CADPS: variants seen among roughly 807,000 people sequenced by gnomAD.
CADPS encodes calcium-dependent secretion activator 1.
A neutral mutation model predicts 167.3 loss-of-function variants in CADPS; 57 were observed. That is an observed-to-expected ratio of 0.34 (90% CI 0.28 to 0.42). The LOEUF is 0.42. Among genes scored for constraint, CADPS ranks in the 20% least tolerant of loss-of-function variants. The probability of loss-of-function intolerance (pLI) is 1.00; values close to 1 mark genes in which losing one functional copy is unlikely to be tolerated. For missense variants in CADPS, 1,414 were observed against 1,738.1 expected, an observed-to-expected ratio of 0.81 and a Z score of 3.32; for synonymous variants, 676 against 635.3, an observed-to-expected ratio of 1.06 and a Z score of -0.96.
chr3:62,620,532 A>G (rs1015270879), intron 6 of CADPS, among the ~76,000 whole-genome samples: 4 of 152,170 alleles, frequency 2.6e-5, no homozygotes, highest in African/African-American at 9.6e-5. Flanking sequence ...TTTAATTGCC[A>G]CAACAACCTT....
At chr3:62,494,996 C>T (rs1027163165) in intron 18 of CADPS, among the ~76,000 whole-genome samples, 1 of 152,210 alleles carries the variant, frequency 6.6e-6, no homozygotes, top group African/African-American at 2.4e-5. Context: ...AGTTGCAAAC[C>T]AGAGGTCATA....
intron 4 of CADPS, among the ~76,000 whole-genome samples, chr3:62,656,827 G>T (rs2071727868): frequency 1.3e-5 from 2 of 152,158 alleles, no homozygotes; most frequent in Non-Finnish European, 1.5e-5. Context: ...TACCCAATTG[G>T]TCTTACTTCC....
At chr3:62,681,882 T>C (rs2077204944) in intron 3 of CADPS, among the ~76,000 whole-genome samples, 1 of 152,074 alleles carries the variant, frequency 6.6e-6, no homozygotes, top group Non-Finnish European at 1.5e-5. Context: ...TAAAGGGTGC[T>C]GGGTGTGGAT....
chr3:62,837,029 T>C (rs910113623), intron 1 of CADPS, among the ~76,000 whole-genome samples: 1 of 152,202 alleles, frequency 6.6e-6, no homozygotes, highest in Non-Finnish European at 1.5e-5. Flanking sequence ...GGAGAGGCTT[T>C]ACACCTTTTC....
At chr3:62,475,612 A>AAC (rs2061216413) in intron 23 of CADPS, among the ~76,000 whole-genome samples, 1 of 145,752 alleles carries the variant, frequency 6.9e-6, no homozygotes, top group Non-Finnish European at 1.5e-5. Context: ...AAAAAAAAAA[A>AAC]CACCTAAAAA....
Position 62,485,473 on chromosome 3 carries a change from T to C in CADPS, c.3027-3604A>G, listed in dbSNP as rs542911764. 4.5e-4 allele frequency among the ~76,000 whole-genome samples: 68 copies of C among 152,366 alleles called. 2 individuals are homozygous for C. Among genetic ancestry groups the C allele is most frequent in the Admixed American group, 4.4e-3 (67 of 15,302 alleles). On this transcript the variant is annotated intron_variant, in intron 21 of 29. Coordinates refer to ENST00000383710, the MANE Select transcript of CADPS (RefSeq NM_003716.4). ...AAATTGATTTCCCTCTATTCTTATGTCCTCATAACTTTTCCTTATGTTATT... is the reference window on the plus strand; with the variant it reads ...AAATTGATTTCCCTCTATTCTTATGCCCTCATAACTTTTCCTTATGTTATT...
chr3:62,448,223 C>A (rs952361130), intron 26 of CADPS, among the ~76,000 whole-genome samples: 3 of 152,172 alleles, frequency 2.0e-5, no homozygotes, highest in Admixed American at 6.5e-5. Flanking sequence ...TTCTTCTCAG[C>A]TAGAAATTGC....
intron 3 of CADPS, among the ~76,000 whole-genome samples, chr3:62,721,132 TTTAAAAAAA>T (rs1051032694): frequency 7.9e-5 from 9 of 113,858 alleles, no homozygotes; most frequent in Admixed American, 8.9e-5. Context: ...TTTTTTTTTT[TTTAAAAAAA>T]AAAAGAAGAA....
At chr3:62,645,922 G>A (rs2150073143) in intron 5 of CADPS, 79 bp from the exon 6 acceptor site, 2 of 1,543,594 alleles carry the variant, frequency 1.3e-6, no homozygotes, top group Non-Finnish European at 1.8e-6. Flanking sequence ...ACACAAATGA[G>A]AAGCTACAGA....
At chr3:62,409,097 A>C (rs1575620797) in intron 28 of CADPS, among the ~76,000 whole-genome samples, 1 of 152,234 alleles carries the variant, frequency 6.6e-6, no homozygotes, top group Non-Finnish European at 1.5e-5. Flanking sequence ...TGAACTCAAG[A>C]TGTTGATACT....
intron 6 of CADPS, among the ~76,000 whole-genome samples, chr3:62,597,346 C>T (rs2059076914): frequency 6.6e-6 from 1 of 151,882 alleles, no homozygotes; most frequent in Non-Finnish European, 1.5e-5. Flanking sequence ...GACCTTGTCT[C>T]TAAAAGAAAA....
intron 3 of CADPS, among the ~76,000 whole-genome samples, chr3:62,680,058 G>A (rs932886194): frequency 2.6e-5 from 4 of 151,918 alleles, no homozygotes; most frequent in Non-Finnish European, 5.9e-5. Context: ...GCCACTAAAG[G>A]TTACTTAGGA....
At chr3:62,594,099 AT>A (rs1309168222) in intron 6 of CADPS, among the ~76,000 whole-genome samples, 1 of 151,842 alleles carries the variant, frequency 6.6e-6, no homozygotes, top group Non-Finnish European at 1.5e-5. Flanking sequence ...ACCAACTTCC[AT>A]ACTTTAAAAT....
At chr3:62,687,289 C>A (rs2078222595) in intron 3 of CADPS, among the ~76,000 whole-genome samples, 2 of 152,024 alleles carry the variant, frequency 1.3e-5, no homozygotes, top group South Asian at 4.1e-4. Context: ...AAGAAAACTG[C>A]CTTCAACATC....
intron 3 of CADPS, among the ~76,000 whole-genome samples, 181 bp from the exon 4 acceptor site, chr3:62,662,575 C>A (rs963777607): frequency 6.6e-6 from 1 of 152,098 alleles, no homozygotes; most frequent in Non-Finnish European, 1.5e-5. Flanking sequence ...CTAGACAGAG[C>A]GTGATATGGT....
intron 1 of CADPS, among the ~76,000 whole-genome samples, chr3:62,869,336 C>G (rs768572317): frequency 2.6e-5 from 4 of 151,986 alleles, no homozygotes; most frequent in Non-Finnish European, 4.4e-5. Flanking sequence ...ACCAGTAAGT[C>G]ACTCAACCTC....
intron 10 of CADPS, among the ~76,000 whole-genome samples, chr3:62,551,103 C>T (rs145339712): frequency 6.4e-4 from 97 of 152,242 alleles, no homozygotes; most frequent in African/African-American, 2.2e-3. Flanking sequence ...TCACACTTCT[C>T]TCTCCAACCT....
At chr3:62,701,396 T>C (rs2081355628) in intron 3 of CADPS, among the ~76,000 whole-genome samples, 1 of 152,060 alleles carries the variant, frequency 6.6e-6, no homozygotes, top group South Asian at 2.1e-4. Flanking sequence ...ATAAGAGCAC[T>C]GCTTCTGGAC....
intron 28 of CADPS, among the ~76,000 whole-genome samples, chr3:62,406,519 G>A (rs185595460): frequency 2.2e-3 from 341 of 152,138 alleles, no homozygotes; most frequent in Admixed American, 4.3e-3. Flanking sequence ...CTAACTTTTC[G>A]GTAAAATATA....
Sources: allele counts gnomAD v4.1 joint callset (sites outside exome capture counted in the v4.1 genomes callset), GRCh38; gene constraint gnomAD v4.1.1; transcripts MANE v1.5; gene names NCBI Gene and HGNC (gene_info 2026-07-23, HGNC 2026-07-21).